Variants in NDUFAF5 observed in about 807,000 individuals in gnomAD.
NDUFAF5 encodes the protein NADH:ubiquinone oxidoreductase complex assembly factor 5.
Under a neutral mutation model 48.9 loss-of-function variants are expected in NDUFAF5, and 34 were observed. The observed-to-expected ratio is 0.70, with a 90% confidence interval of 0.53 to 0.93. The LOEUF (loss-of-function observed/expected upper bound fraction) is 0.93, where lower values mean the gene tolerates loss of function less well. NDUFAF5 is among the 40% of genes least tolerant of loss of function. NDUFAF5 has a pLI of 0.00. For synonymous variants in NDUFAF5, 153 were observed against 150.6 expected (o/e 1.02, Z -0.12); for missense variants, 428 against 427.5 (o/e 1.00, Z -0.01).
chr20:13,808,972 C>G lies in NDUFAF5; in HGVS notation c.778+70C>G. 4 of 1,020,668 alleles carry G rather than the reference C, an allele frequency of 3.9e-6. No homozygotes were observed. The Admixed American group carries it at 7.0e-5, about 18-fold the overall frequency. 63.2% of individuals were successfully genotyped at this position (1,020,668 alleles called of 1,614,324 possible). A position where few individuals can be genotyped will look rare whatever the true frequency, so the allele number is the denominator to read the frequency against. On this transcript the variant is annotated intron_variant, in intron 8 of 10. Transcript: ENST00000378106. ...GCCAAAAAAAAAGAATTTTTAGACT[C>G]CATTTGAGAGAAACATTTTGAGAGC... is the stretch of plus-strand genomic sequence containing the variant.
Position 13,818,031 on chromosome 20 carries a change from G to A in NDUFAF5, c.*821G>A, listed in dbSNP as rs1568790587. On this transcript the variant is annotated 3_prime_UTR_variant, in exon 11 of 11. Coordinates refer to ENST00000378106, the MANE Select transcript of NDUFAF5 (RefSeq NM_024120.5). ...GTGTTTTGTTTCCAGTTAGCTGTTC[G>A]CTGTCTTTTCCATTTAACCTGGGCA... The A allele has an allele frequency of 2.2e-6, 1 of 451,272 alleles. No homozygotes were observed. Among genetic ancestry groups the A allele is most frequent in the Non-Finnish European group, 4.4e-6 (1 of 225,144 alleles). The allele number at this position is 451,272 out of a possible 1,614,324, so 28.0% of individuals were successfully genotyped here.
At chr20:13,815,615 T>C (rs1986367830) in intron 8 of NDUFAF5, among the ~76,000 whole-genome samples, 1 of 152,220 alleles carries the variant, frequency 6.6e-6, no homozygotes, top group African/African-American at 2.4e-5. Context: ...AATACTGATA[T>C]TGGTAAGTTT....
At chr20:13,803,183 G>A (rs1248803311) in intron 7 of NDUFAF5, 2 of 152,244 alleles carry the variant, frequency 1.3e-5, no homozygotes, top group African/African-American at 4.8e-5. Flanking sequence ...GGCCCCTGAT[G>A]TTGGAAAGGA....
At chr20:13,797,874 C>T (rs1034431418) in intron 5 of NDUFAF5, among the ~76,000 whole-genome samples, 1 of 152,054 alleles carries the variant, frequency 6.6e-6, no homozygotes, top group Non-Finnish European at 1.5e-5. Context: ...CTTAATTTTG[C>T]TGTAAACCTA....
At chr20:13,807,638 T>C (rs1188940876) in intron 7 of NDUFAF5, among the ~76,000 whole-genome samples, 1 of 152,096 alleles carries the variant, frequency 6.6e-6, no homozygotes, top group African/African-American at 2.4e-5. Context: ...TAATGATGTT[T>C]AGATTTATTT....
At chr20:13,793,736 G>A (rs1251618803) in intron 4 of NDUFAF5, among the ~76,000 whole-genome samples, 2 of 152,058 alleles carry the variant, frequency 1.3e-5, no homozygotes, top group African/African-American at 2.4e-5. Context: ...ATTTTTTTCC[G>A]TGGGTATAAA....
At chr20:13,796,753 C>G (rs1983289665) in intron 5 of NDUFAF5, among the ~76,000 whole-genome samples, 1 of 152,160 alleles carries the variant, frequency 6.6e-6, no homozygotes, top group Admixed American at 6.5e-5. Flanking sequence ...CCGAGGCAGG[C>G]AGATCACTTG....
At chr20:13,805,982 A>T (rs1275094536) in intron 7 of NDUFAF5, among the ~76,000 whole-genome samples, 1 of 152,152 alleles carries the variant, frequency 6.6e-6, no homozygotes, top group Non-Finnish European at 1.5e-5. Flanking sequence ...TTCCCATCCA[A>T]AAAAGCTTTT....
intron 7 of NDUFAF5, among the ~76,000 whole-genome samples, chr20:13,805,751 C>G (rs1260102685): frequency 6.6e-6 from 1 of 151,882 alleles, no homozygotes; most frequent in African/African-American, 2.4e-5. Flanking sequence ...CCAGCCTGGG[C>G]AACATAGGGA....
intron 5 of NDUFAF5, 47 bp downstream of exon 5, chr20:13,794,988 C>A: frequency 7.4e-7 from 1 of 1,356,410 alleles, no homozygotes; most frequent in Non-Finnish European, 1.1e-6. Flanking sequence ...ACAGATCATT[C>A]TTGCCATAAA....
intron 1 of NDUFAF5, 71 bp from the exon 2 acceptor site, chr20:13,787,241 C>T: frequency 6.7e-7 from 1 of 1,486,566 alleles, no homozygotes; most frequent in South Asian, 1.1e-5. Flanking sequence ...ACATAAGTAA[C>T]TTGTGGATTG....
intron 3 of NDUFAF5, 85 bp from the exon 4 acceptor site, chr20:13,793,095 T>A (rs1982571426): frequency 1.4e-6 from 2 of 1,440,438 alleles, no homozygotes; most frequent in Admixed American, 3.3e-5. Flanking sequence ...AAAATTAAAA[T>A]GTAATTAACA....
chr20:13,795,723 G>T (rs753064355), intron 5 of NDUFAF5, among the ~76,000 whole-genome samples: 1 of 152,168 alleles, frequency 6.6e-6, no homozygotes, highest in African/African-American at 2.4e-5. Context: ...GGAGGCTGAG[G>T]CAGGAGGATC....
chr20:13,795,019 G>A, intron 5 of NDUFAF5, 78 bp downstream of exon 5: 1 of 995,830 alleles, frequency 1.0e-6, no homozygotes, highest in Non-Finnish European at 1.6e-6. Flanking sequence ...GAGGCCAGGA[G>A]CGGTGGCTCA....
chr20:13,788,668 G>T lies in NDUFAF5; in HGVS notation c.327+16G>T, dbSNP rs1241271664. ...TTTGAATAAGGTATATTTATTCAAT[G>T]ACCTAATTTACTTTGAAAAGTAACA... On this transcript the variant is annotated intron_variant, in intron 3 of 10. Coordinates refer to ENST00000378106, the MANE Select transcript of NDUFAF5 (RefSeq NM_024120.5). 6.5e-7 allele frequency: 1 copy of T among 1,544,794 alleles called. No homozygotes were observed. Among genetic ancestry groups the T allele is most frequent in the Admixed American group, 1.7e-5 (1 of 59,910 alleles).
At chr20:13,816,065 T>C (rs1986423462) in intron 8 of NDUFAF5, 1 of 314,718 alleles carries the variant, frequency 3.2e-6, no homozygotes, top group Non-Finnish European at 6.2e-6. Flanking sequence ...GAGGCATTGT[T>C]GCACTGACCT....
rs1205418249 is a variant in NDUFAF5, at chr20:13,819,569, A to G, written c.*2359A>G. The G allele has an allele frequency of 6.6e-6, 1 of 152,176 alleles. No individual in the cohort carries two copies. The highest frequency in any genetic ancestry group is 1.5e-5 in the Non-Finnish European group (1 of 68,056). 9.4% of individuals were successfully genotyped at this position (152,176 alleles called of 1,614,324 possible). A position where few individuals can be genotyped will look rare whatever the true frequency, so the allele number is the denominator to read the frequency against. ...TTTTTAATAGAGATGGGGTTTCACC[A>G]TGTTGGCCAGGATGGTCTCAATCTC... On this transcript the variant is annotated 3_prime_UTR_variant, in exon 11 of 11. Transcript: ENST00000378106.
intron 3 of NDUFAF5, among the ~76,000 whole-genome samples, chr20:13,792,845 G>A (rs887141916): frequency 6.6e-6 from 1 of 152,120 alleles, no homozygotes; most frequent in Non-Finnish European, 1.5e-5. Flanking sequence ...CAACTAAAAG[G>A]CGGGAAACTC....
intron 8 of NDUFAF5, chr20:13,816,213 T>A: frequency 1.9e-6 from 1 of 537,258 alleles, no homozygotes; most frequent in East Asian, 3.4e-5. Context: ...TGCTGGCAAG[T>A]AAAGCATTGT....
Sources: gnomAD v4.1 joint callset for allele counts (sites outside exome capture counted in the v4.1 genomes callset) on GRCh38, gnomAD v4.1.1 for gene constraint, MANE v1.5 for transcripts, NCBI Gene and HGNC (gene_info 2026-07-23, HGNC 2026-07-21) for gene names.